SMARCC1: variants seen among roughly 807,000 people sequenced by gnomAD.
SMARCC1 encodes the protein SWI/SNF complex subunit SMARCC1.
SMARCC1 carries 43 observed loss-of-function variants against 147.4 expected under a neutral mutation model. The ratio of observed to expected loss-of-function variants is 0.29; its 90% CI spans 0.23 to 0.38. The LOEUF (loss-of-function observed/expected upper bound fraction) is 0.38, where lower values mean the gene tolerates loss of function less well. Among genes scored for constraint, SMARCC1 ranks in the 10% least tolerant of loss-of-function variants. The pLI is 1.00. For synonymous variants in SMARCC1, 495 were observed against 484.4 expected (o/e 1.02, Z -0.29); for missense variants, 1,119 against 1,381.1 (o/e 0.81, Z 3.01).
chr3:47,720,842 C>T, intron 6 of SMARCC1, 107 bp from the exon 7 acceptor site: 2 of 904,480 alleles, frequency 2.2e-6, no homozygotes, highest in South Asian at 2.9e-5. Context: ...TAACGAACAA[C>T]ATTTTTCGAA....
chr3:47,730,171 C>CA (rs1204690749), intron 5 of SMARCC1, among the ~76,000 whole-genome samples: 2 of 151,218 alleles, frequency 1.3e-5, no homozygotes, highest in Non-Finnish European at 2.9e-5. Context: ...GACTCCGTCT[C>CA]AAAAAAATAA....
At chr3:47,676,338 G>A (rs1287803414) in intron 17 of SMARCC1, among the ~76,000 whole-genome samples, 2 of 152,134 alleles carry the variant, frequency 1.3e-5, no homozygotes, top group Non-Finnish European at 2.9e-5. Context: ...ACTTATGAGT[G>A]TCTTTTTGAT....
At chr3:47,758,527 T>G (rs1433127027) in intron 2 of SMARCC1, among the ~76,000 whole-genome samples, 1 of 152,130 alleles carries the variant, frequency 6.6e-6, no homozygotes, top group Admixed American at 6.6e-5. Flanking sequence ...CAGGGTACCA[T>G]CTCAAAAAAA....
At chr3:47,763,852 T>C (rs910666239) in intron 2 of SMARCC1, among the ~76,000 whole-genome samples, 4 of 151,410 alleles carry the variant, frequency 2.6e-5, no homozygotes, top group African/African-American at 9.7e-5. Context: ...CCAAAGTAGC[T>C]GGGACCACAG....
chr3:47,757,149 G>A (rs377354000), intron 2 of SMARCC1, among the ~76,000 whole-genome samples: 1 of 152,088 alleles, frequency 6.6e-6, no homozygotes, highest in African/African-American at 2.4e-5. Flanking sequence ...TGCTTGAGAG[G>A]CTGAGGTGGG....
chr3:47,730,150 G>A (rs1201664452), intron 5 of SMARCC1, among the ~76,000 whole-genome samples: 2 of 151,978 alleles, frequency 1.3e-5, no homozygotes, highest in East Asian at 3.9e-4. Context: ...CTAGCTTGGG[G>A]GACAGAGTGA....
chr3:47,706,593 T>C, intron 9 of SMARCC1, 63 bp from the exon 10 acceptor site: 1 of 1,421,082 alleles, frequency 7.0e-7, no homozygotes, highest in South Asian at 1.5e-5. Flanking sequence ...TACAAATCCT[T>C]GGCAAAAGGT....
intron 26 of SMARCC1, among the ~76,000 whole-genome samples, chr3:47,608,849 T>TAA (rs35698988): frequency 0.026 from 2,231 of 86,846 alleles, 97 homozygotes; most frequent in East Asian, 0.12. Flanking sequence ...ACAGTGTCTT[T>TAA]AAAAAAAAAA....
intron 7 of SMARCC1, 88 bp from the exon 8 acceptor site, chr3:47,714,578 G>A (rs985071420): frequency 2.7e-5 from 19 of 712,228 alleles, no homozygotes; most frequent in African/African-American, 5.5e-5. Flanking sequence ...ACATGTTTTA[G>A]AAATACTACT....
chr3:47,763,272 A>G (rs1318201822), intron 2 of SMARCC1, among the ~76,000 whole-genome samples: 7 of 150,956 alleles, frequency 4.6e-5, no homozygotes, highest in African/African-American at 1.7e-4. Flanking sequence ...TCAGCCTCCC[A>G]AAACGTTAGG....
chr3:47,600,862 C>A (rs1243694347), intron 26 of SMARCC1, among the ~76,000 whole-genome samples: 1 of 151,732 alleles, frequency 6.6e-6, no homozygotes, highest in Non-Finnish European at 1.5e-5. Flanking sequence ...TTCTTACTAA[C>A]ATTAAGAGAT....
chr3:47,780,437 G>A (rs1403305135), intron 1 of SMARCC1, among the ~76,000 whole-genome samples: 3 of 151,886 alleles, frequency 2.0e-5, no homozygotes, highest in Non-Finnish European at 4.4e-5. Context: ...TCCAAGCCGC[G>A]CCCGGCCAGA....
chr3:47,602,839 T>G (rs1576384292), intron 26 of SMARCC1, among the ~76,000 whole-genome samples: 1 of 152,190 alleles, frequency 6.6e-6, no homozygotes, highest in South Asian at 2.1e-4. Flanking sequence ...TGTTCAAGAG[T>G]GCCTCATTTA....
intron 4 of SMARCC1, 89 bp downstream of exon 4, chr3:47,737,938 CAG>C (rs1290141025): frequency 1.3e-6 from 1 of 770,346 alleles, no homozygotes; most frequent in Non-Finnish European, 2.0e-6. Context: ...GCTGGGATTA[CAG>C]GCATGAGCCA....
intron 16 of SMARCC1, 86 bp downstream of exon 16, chr3:47,678,109 AAAC>A: frequency 1.6e-6 from 1 of 631,138 alleles, no homozygotes; most frequent in Non-Finnish European, 2.7e-6. Context: ...TACCCAGTTG[AAAC>A]AACCAGTTTA....
intron 2 of SMARCC1, among the ~76,000 whole-genome samples, chr3:47,746,998 G>A (rs894667950): frequency 4.0e-5 from 6 of 151,884 alleles, no homozygotes; most frequent in African/African-American, 1.2e-4. Flanking sequence ...CCAAAGTGCT[G>A]TGATTACAGG....
chr3:47,726,185 G>C (rs1175979796), intron 6 of SMARCC1, among the ~76,000 whole-genome samples: 1 of 151,326 alleles, frequency 6.6e-6, no homozygotes, highest in Non-Finnish European at 1.5e-5. Flanking sequence ...CTTGATACCA[G>C]GAGTTCAACA....
intron 25 of SMARCC1, among the ~76,000 whole-genome samples, chr3:47,612,123 G>A (rs2032573057): frequency 1.3e-5 from 2 of 152,156 alleles, no homozygotes; most frequent in South Asian, 4.1e-4. Flanking sequence ...GATGAGAAGG[G>A]AGATGTAATA....
At chr3:47,595,977 C>T (rs1295010887) in intron 26 of SMARCC1, among the ~76,000 whole-genome samples, 2 of 151,626 alleles carry the variant, frequency 1.3e-5, no homozygotes, top group Admixed American at 6.6e-5. Flanking sequence ...TCGTGATCTG[C>T]CTGCTTTGGC....
Sources: allele counts gnomAD v4.1 joint callset (sites outside exome capture counted in the v4.1 genomes callset), GRCh38; gene constraint gnomAD v4.1.1; transcripts MANE v1.5; gene names NCBI Gene and HGNC (gene_info 2026-07-23, HGNC 2026-07-21).